KCTD8: variants seen among roughly 807,000 people sequenced by gnomAD.
The protein encoded by KCTD8 is BTB/POZ domain-containing protein KCTD8.
Under a neutral mutation model 31.5 loss-of-function variants are expected in KCTD8, and 27 were observed. The observed-to-expected ratio is 0.86, with a 90% CI of 0.63 to 1.18. The LOEUF (loss-of-function observed/expected upper bound fraction) is 1.18, where lower values mean the gene tolerates loss of function less well. Among genes scored for constraint, KCTD8 ranks in the 50% most tolerant of loss-of-function variants. The pLI, the probability that KCTD8 is intolerant of heterozygous loss-of-function variation, is 0.00. For synonymous variants in KCTD8, 290 were observed against 280.0 expected (o/e 1.04, Z -0.36); for missense variants, 658 against 647.7 (o/e 1.02, Z -0.17).
chr4:44,183,351 C>T (rs776081681), intron 1 of KCTD8, among the ~76,000 whole-genome samples: 19 of 151,882 alleles, frequency 1.3e-4, no homozygotes, highest in Non-Finnish European at 2.2e-4. Context: ...TTTTTATGTT[C>T]AAAAGGGTAT....
intron 1 of KCTD8, among the ~76,000 whole-genome samples, chr4:44,321,655 T>G (rs763630767): frequency 2.6e-5 from 4 of 152,168 alleles, no homozygotes; most frequent in Non-Finnish European, 4.4e-5. Flanking sequence ...TAAATTATTG[T>G]TAAGTATAAT....
In KCTD8 at chr4:44,242,608, C is replaced by A. The variant is rs575399942; in HGVS notation, c.962-67358G>T. Reference sequence around the variant, plus strand: ...CAAACAAACAAACAAACAAACAAAACAAAAAAAAAACTTGTTGATATAGTT... The same window carrying A: ...CAAACAAACAAACAAACAAACAAAAAAAAAAAAAAACTTGTTGATATAGTT... On this transcript the variant is annotated intron_variant, in intron 1 of 1. Coordinates refer to ENST00000360029, the MANE Select transcript of KCTD8 (RefSeq NM_198353.3). 8.1e-3 allele frequency among the ~76,000 whole-genome samples: 1,186 copies of A among 146,550 alleles called. 16 individuals are homozygous for A. The highest frequency in any genetic ancestry group is 0.028 in the African/African-American group (1,118 of 39,526).
intron 1 of KCTD8, among the ~76,000 whole-genome samples, chr4:44,397,039 T>C (rs1246634262): frequency 6.6e-6 from 1 of 152,152 alleles, no homozygotes; most frequent in Non-Finnish European, 1.5e-5. Context: ...ATTCCTATGC[T>C]GGCTCCATCT....
intron 1 of KCTD8, among the ~76,000 whole-genome samples, chr4:44,283,413 G>T (rs1716956423): frequency 6.6e-6 from 1 of 152,030 alleles, no homozygotes; most frequent in Admixed American, 6.6e-5. Flanking sequence ...TAGCTAGAGA[G>T]GTGAAGTCAA....
intron 1 of KCTD8, among the ~76,000 whole-genome samples, chr4:44,419,835 G>T (rs987202443): frequency 6.6e-6 from 1 of 151,402 alleles, no homozygotes; most frequent in Non-Finnish European, 1.5e-5. Context: ...ATGTACCCTA[G>T]AACTTAAAGT....
At chr4:44,259,586 G>A (rs532461688) in intron 1 of KCTD8, among the ~76,000 whole-genome samples, 1 of 151,940 alleles carries the variant, frequency 6.6e-6, no homozygotes, top group Admixed American at 6.6e-5. Context: ...AATTTTCCTT[G>A]GCAACCTATT....
chr4:44,448,021 T>C lies in KCTD8; in HGVS notation c.503A>G (p.Asn168Ser), dbSNP rs1254635444. 6.2e-7 allele frequency: 1 copy of C among 1,602,930 alleles called. No homozygotes were observed. Among genetic ancestry groups the C allele is most frequent in the Non-Finnish European group, 8.5e-7 (1 of 1,175,108 alleles). The change falls in exon 1 of 2, where the codon AAC becomes AGC. Residue 168 changes from asparagine (N) to serine (S), a missense_variant. Coordinates refer to ENST00000360029, the MANE Select transcript of KCTD8 (RefSeq NM_198353.3). The surrounding 1 kb of genome is among the most constrained non-coding windows in gnomAD (Gnocchi z 4.1). ...CGCGTCGCTGCTACCCTGCGAGACG[T>C]TGTCCTCCAGGTCGCTCTGGCAGCC... ...DEGCQSDLED[N>S]VSQGSSDALL...
chr4:44,191,825 T>C (rs1370918354), intron 1 of KCTD8, among the ~76,000 whole-genome samples: 1 of 152,228 alleles, frequency 6.6e-6, no homozygotes, highest in African/African-American at 2.4e-5. Flanking sequence ...GCCCTTTGCC[T>C]TGTGATCTTT....
chr4:44,328,038 C>T (rs918258154), intron 1 of KCTD8, among the ~76,000 whole-genome samples: 1 of 151,802 alleles, frequency 6.6e-6, no homozygotes, highest in South Asian at 2.1e-4. Flanking sequence ...ACATCAAATA[C>T]TAATTTATTA....
rs1438180245 is a variant in KCTD8 at position 44,402,155 on chromosome 4, T to C, written c.961+45408A>G. Among the ~76,000 whole-genome samples the C allele has an allele frequency of 3.3e-5, 5 of 152,178 alleles. No homozygotes were observed. The East Asian group carries it at 7.7e-4, about 23-fold the overall frequency. On this transcript the variant is annotated intron_variant, in intron 1 of 1. Coordinates refer to ENST00000360029, the MANE Select transcript of KCTD8 (RefSeq NM_198353.3). ...AAAGATAGAGCTGGAGAACAACAACTGAATAAAGGACAATTCAGAGATTTA... is the reference window on the plus strand; with the variant it reads ...AAAGATAGAGCTGGAGAACAACAACCGAATAAAGGACAATTCAGAGATTTA...
In KCTD8 at chr4:44,405,664, A is replaced by C. The variant is rs917638373; in HGVS notation, c.961+41899T>G. The stretch of plus-strand genomic sequence containing the variant: ...CTACTATTTTCTTCTCTGGAACTCT[A>C]CTCAAATAGTTCCAAATACCAAGAA... On this transcript the variant is annotated intron_variant, in intron 1 of 1. Coordinates refer to ENST00000360029, the MANE Select transcript of KCTD8 (RefSeq NM_198353.3). Among the ~76,000 whole-genome samples, 60 of 152,126 alleles carry C rather than the reference A, an allele frequency of 3.9e-4. 1 individual carries two copies. The highest frequency in any genetic ancestry group is 1.3e-3 in the African/African-American group (52 of 41,522).
At chr4:44,272,108 C>T (rs1716628519) in intron 1 of KCTD8, among the ~76,000 whole-genome samples, 1 of 129,230 alleles carries the variant, frequency 7.7e-6, no homozygotes, top group African/African-American at 3.8e-5. Context: ...CAATAAATAC[C>T]CATGGTATTA....
At chr4:44,187,433 C>T (rs1298185333) in intron 1 of KCTD8, among the ~76,000 whole-genome samples, 1 of 152,194 alleles carries the variant, frequency 6.6e-6, no homozygotes, top group Admixed American at 6.5e-5. Context: ...AAACTCCACA[C>T]AAAGATGCCT....
intron 1 of KCTD8, among the ~76,000 whole-genome samples, chr4:44,427,067 G>A (rs577879869): frequency 2.0e-5 from 3 of 151,632 alleles, no homozygotes; most frequent in Non-Finnish European, 4.4e-5. Flanking sequence ...TCAAGAGAGA[G>A]AGGAAAATAA....
At chr4:44,199,994 T>TA (rs555529833) in intron 1 of KCTD8, among the ~76,000 whole-genome samples, 25 of 150,632 alleles carry the variant, frequency 1.7e-4, no homozygotes, top group Non-Finnish European at 3.0e-4. Flanking sequence ...TAGACAGAAA[T>TA]AAAAAAAGAT....
chr4:44,423,716 G>A (rs1336697851), intron 1 of KCTD8, among the ~76,000 whole-genome samples: 2 of 152,018 alleles, frequency 1.3e-5, no homozygotes, highest in South Asian at 2.1e-4. Context: ...GGAAAAAAAC[G>A]AAAGCTTTTT....
chr4:44,260,994 G>A (rs1412872030), intron 1 of KCTD8, among the ~76,000 whole-genome samples: 4 of 152,012 alleles, frequency 2.6e-5, no homozygotes, highest in Non-Finnish European at 5.9e-5. Context: ...CGTAATAAAT[G>A]TGTGTAAAAG....
intron 1 of KCTD8, among the ~76,000 whole-genome samples, chr4:44,363,903 T>C (rs979410392): frequency 1.3e-5 from 2 of 152,136 alleles, no homozygotes; most frequent in African/African-American, 2.4e-5. Context: ...GAAAAATTAA[T>C]TTAAACATAG....
intron 1 of KCTD8, among the ~76,000 whole-genome samples, chr4:44,385,816 T>C (rs1706638564): frequency 6.6e-6 from 1 of 151,606 alleles, no homozygotes. Flanking sequence ...GAAAAGGTGT[T>C]ACTATCCAAA....
Sources: allele counts gnomAD v4.1 joint callset (sites outside exome capture counted in the v4.1 genomes callset), GRCh38; gene constraint gnomAD v4.1.1; non-coding constraint Gnocchi (gnomAD v3.1); transcripts MANE v1.5; gene names NCBI Gene and HGNC (gene_info 2026-07-23, HGNC 2026-07-21).